Variants in CIT observed in about 807,000 individuals in gnomAD.
CIT encodes the protein citron Rho-interacting kinase.
CIT carries 79 observed loss-of-function variants against 272.7 expected under a neutral mutation model. The observed-to-expected ratio is 0.29, with a 90% confidence interval of 0.24 to 0.35. CIT has a LOEUF of 0.35. CIT is among the 10% of genes least tolerant of loss of function. CIT has a pLI of 1.00. For synonymous variants in CIT, 948 were observed against 995.6 expected, an observed-to-expected ratio of 0.95 and a Z score of 0.90; for missense variants, 1,909 against 2,618.3, an observed-to-expected ratio of 0.73 and a Z score of 5.91.
At chr12:119,864,288 G>A (rs1950453459) in intron 3 of CIT, among the ~76,000 whole-genome samples, 1 of 152,062 alleles carries the variant, frequency 6.6e-6, no homozygotes, top group Non-Finnish European at 1.5e-5. Flanking sequence ...ACACTTTTCT[G>A]TGTAAGTTTT....
intron 28 of CIT, among the ~76,000 whole-genome samples, chr12:119,725,741 G>C (rs1419724868): frequency 2.0e-5 from 3 of 152,200 alleles, no homozygotes; most frequent in Admixed American, 2.0e-4. Flanking sequence ...TCTATTCCTA[G>C]AGTCGTCACT....
intron 9 of CIT, among the ~76,000 whole-genome samples, chr12:119,817,124 C>G: frequency 6.6e-6 from 1 of 152,174 alleles, no homozygotes; most frequent in Non-Finnish European, 1.5e-5. Context: ...CAGGCTAGAT[C>G]TGAGACATGG....
chr12:119,819,764 T>C (rs927733987), intron 9 of CIT, among the ~76,000 whole-genome samples: 2 of 152,208 alleles, frequency 1.3e-5, no homozygotes, highest in African/African-American at 4.8e-5. Context: ...CATGTGTTTA[T>C]GAAAAACAGT....
intron 10 of CIT, among the ~76,000 whole-genome samples, chr12:119,802,946 T>A (rs548081929): frequency 1.3e-5 from 2 of 152,086 alleles, no homozygotes; most frequent in African/African-American, 2.4e-5. Flanking sequence ...GACCAAAGAT[T>A]GGAAAACTAA....
Position 119,799,841 on chromosome 12 carries a change from G to GTTT in CIT, c.1295+3362_1295+3364dup, listed in dbSNP as rs3999586. On this transcript the variant is annotated intron_variant, in intron 10 of 47. Transcript: ENST00000392521. ...TGTAAGCTTTCTTAAAACTTTATGA[G>GTTT]TTTTTTTTTTTTTAGCTCATCAGCT... Among the ~76,000 whole-genome samples, 372 of 146,526 alleles carry GTTT rather than the reference G, an allele frequency of 2.5e-3. 2 individuals are homozygous for GTTT. The highest frequency in any genetic ancestry group is 4.2e-3 in the African/African-American group (169 of 39,940).
chr12:119,772,736 C>T (rs372822912), intron 17 of CIT, 34 bp downstream of exon 17: 33 of 1,583,286 alleles, frequency 2.1e-5, no homozygotes, highest in Non-Finnish European at 2.8e-5. Context: ...AAGGCCGAGG[C>T]CGCTGGGGCC....
intron 28 of CIT, among the ~76,000 whole-genome samples, chr12:119,722,734 T>C (rs1346822254): frequency 2.6e-5 from 4 of 152,216 alleles, no homozygotes; most frequent in Non-Finnish European, 5.9e-5. Context: ...TTGGATGACA[T>C]ATTGAACAAA....
chr12:119,872,435 CTCAT>C (rs962054412), intron 2 of CIT, among the ~76,000 whole-genome samples: 32 of 152,230 alleles, frequency 2.1e-4, no homozygotes, highest in Admixed American at 9.8e-4. Flanking sequence ...GTATCTCAAC[CTCAT>C]TCAAACAGCA....
At chr12:119,733,724 G>C (rs558645798) in intron 26 of CIT, among the ~76,000 whole-genome samples, 1 of 152,020 alleles carries the variant, frequency 6.6e-6, no homozygotes, top group Non-Finnish European at 1.5e-5. Context: ...ACAATGCACA[G>C]GACAGCCCCC....
At chr12:119,844,096 A>G (rs1224683743) in intron 5 of CIT, among the ~76,000 whole-genome samples, 2 of 145,516 alleles carry the variant, frequency 1.4e-5, no homozygotes, top group Non-Finnish European at 3.0e-5. Context: ...ACCTTGGCTC[A>G]CTGCAACCTC....
At chr12:119,778,628 T>G (rs1481913589) in intron 13 of CIT, among the ~76,000 whole-genome samples, 1 of 152,084 alleles carries the variant, frequency 6.6e-6, no homozygotes, top group Non-Finnish European at 1.5e-5. Flanking sequence ...TTTTATCCCA[T>G]TGTAGCAGGT....
At chr12:119,772,038 G>A (rs528428336) in intron 17 of CIT, among the ~76,000 whole-genome samples, 45 of 152,262 alleles carry the variant, frequency 3.0e-4, no homozygotes, top group Admixed American at 7.8e-4. Flanking sequence ...AAATGCAGAT[G>A]AATGTGGGTG....
intron 10 of CIT, among the ~76,000 whole-genome samples, chr12:119,797,530 A>G (rs565189284): frequency 1.3e-5 from 2 of 152,344 alleles, no homozygotes; most frequent in African/African-American, 4.8e-5. Context: ...CTTGAGAGCA[A>G]TAACCATGGG....
At chr12:119,772,977 T>C (rs1473271646) in intron 16 of CIT, 67 bp from the exon 17 acceptor site, 2 of 1,398,442 alleles carry the variant, frequency 1.4e-6, no homozygotes, top group African/African-American at 1.5e-5. Context: ...GGTGACAGTA[T>C]GTTCTGCACA....
chr12:119,749,775 T>C (rs1938443850), intron 23 of CIT, among the ~76,000 whole-genome samples: 1 of 152,160 alleles, frequency 6.6e-6, no homozygotes, highest in Non-Finnish European at 1.5e-5. Context: ...TCTAACTAAA[T>C]TAAGTCGTGA....
intron 27 of CIT, among the ~76,000 whole-genome samples, chr12:119,730,047 T>C (rs1958349109): frequency 6.6e-6 from 1 of 152,018 alleles, no homozygotes; most frequent in Non-Finnish European, 1.5e-5. Context: ...CCAGCATGCG[T>C]CATCAGACCC....
intron 2 of CIT, among the ~76,000 whole-genome samples, chr12:119,875,394 TCAGCTATCTA>T (rs1950812478): frequency 6.6e-6 from 1 of 152,196 alleles, no homozygotes. Flanking sequence ...TAAGGCAAGT[TCAGCTATCTA>T]CTTCTGCACA....
At chr12:119,861,323 C>T (rs777769216) in intron 3 of CIT, among the ~76,000 whole-genome samples, 24 of 150,108 alleles carry the variant, frequency 1.6e-4, no homozygotes, top group Non-Finnish European at 2.7e-4. Context: ...CTGTGGCTCA[C>T]GCCTGTAATC....
At chr12:119,738,287 A>G (rs1053637728) in intron 24 of CIT, among the ~76,000 whole-genome samples, 1 of 152,156 alleles carries the variant, frequency 6.6e-6, no homozygotes, top group African/African-American at 2.4e-5. Flanking sequence ...TATATTGACC[A>G]TTCAGGACAA....
Sources: allele counts gnomAD v4.1 joint callset (sites outside exome capture counted in the v4.1 genomes callset), GRCh38; gene constraint gnomAD v4.1.1; transcripts MANE v1.5; gene names NCBI Gene and HGNC (gene_info 2026-07-23, HGNC 2026-07-21).